HDAC9: variants seen among roughly 807,000 people sequenced by gnomAD.
HDAC9 encodes the protein histone deacetylase 9.
In HDAC9, 41 loss-of-function variants were observed where a neutral mutation model predicts 139.4. That is an observed-to-expected ratio of 0.29 (90% confidence interval 0.23 to 0.38). The LOEUF (loss-of-function observed/expected upper bound fraction) is 0.38, where lower values mean the gene tolerates loss of function less well. Among genes scored for constraint, HDAC9 ranks in the 10% least tolerant of loss-of-function variants. The probability of loss-of-function intolerance (pLI) is 1.00; values close to 1 mark genes in which losing one functional copy is unlikely to be tolerated. For missense variants in HDAC9, 1,147 were observed against 1,297.0 expected (o/e 0.88, Z 1.78); for synonymous variants, 517 against 476.2 (o/e 1.09, Z -1.12).
At chr7:18,570,138 A>C (rs950780065) in intron 2 of HDAC9, among the ~76,000 whole-genome samples, 1 of 152,142 alleles carries the variant, frequency 6.6e-6, no homozygotes, top group Non-Finnish European at 1.5e-5. Flanking sequence ...GAATCAGTAG[A>C]TTCACAGATT....
At chr7:18,194,018 A>G (rs1331008507) in intron 2 of HDAC9, among the ~76,000 whole-genome samples, 2 of 152,192 alleles carry the variant, frequency 1.3e-5, no homozygotes, top group African/African-American at 2.4e-5. Flanking sequence ...AAATGGCACG[A>G]TGAGCCTGAT....
chr7:18,644,601 G>T, intron 8 of HDAC9, 70 bp from the exon 9 acceptor site: 2 of 1,382,222 alleles, frequency 1.4e-6, no homozygotes, highest in South Asian at 1.5e-5. Context: ...CCCATTTTCT[G>T]AAATGAGAAC....
chr7:18,094,610 T>C (rs139651098), intron 1 of HDAC9, among the ~76,000 whole-genome samples: 18 of 152,132 alleles, frequency 1.2e-4, no homozygotes, highest in African/African-American at 4.3e-4. Context: ...TAAAAAAAAT[T>C]ATTTATTGTT....
intron 2 of HDAC9, among the ~76,000 whole-genome samples, chr7:18,209,551 T>C (rs945220610): frequency 5.9e-5 from 9 of 152,294 alleles, no homozygotes; most frequent in Non-Finnish European, 1.2e-4. Context: ...CCGGGCAAAA[T>C]TGTGGAATTG....
chr7:18,178,076 A>C (rs890035903), intron 2 of HDAC9, among the ~76,000 whole-genome samples: 473 of 24,226 alleles, frequency 0.02, no homozygotes, highest in Admixed American at 0.03. Flanking sequence ...TCCCTCCTCC[A>C]CCTCCCCTCC....
At chr7:18,859,485 C>G (rs1463710434) in intron 21 of HDAC9, among the ~76,000 whole-genome samples, 1 of 150,744 alleles carries the variant, frequency 6.6e-6, no homozygotes, top group Non-Finnish European at 1.5e-5. Context: ...CCTCAGGGAA[C>G]AAGTAAAATG....
chr7:18,312,973 A>C (rs1799412359), intron 1 of HDAC9, among the ~76,000 whole-genome samples: 1 of 152,102 alleles, frequency 6.6e-6, no homozygotes, highest in Non-Finnish European at 1.5e-5. Context: ...ATAGCCCTTA[A>C]AAACTTTTCA....
intron 1 of HDAC9, among the ~76,000 whole-genome samples, chr7:18,351,953 G>A (rs1562906241): frequency 6.6e-6 from 1 of 152,096 alleles, no homozygotes; most frequent in Non-Finnish European, 1.5e-5. Context: ...ATCCACTATT[G>A]GAAGGTGTGT....
intron 1 of HDAC9, among the ~76,000 whole-genome samples, chr7:18,422,125 C>A (rs1020223759): frequency 1.3e-5 from 2 of 152,156 alleles, no homozygotes; most frequent in South Asian, 4.1e-4. Context: ...GAAGTTAATG[C>A]CTTGGTTCTA....
intron 1 of HDAC9, among the ~76,000 whole-genome samples, chr7:18,125,889 C>T (rs1562646914): frequency 6.6e-6 from 1 of 152,172 alleles, no homozygotes. Flanking sequence ...TGTGAAAACA[C>T]TCTTACTTTG....
chr7:18,364,386 A>G (rs1400709572), intron 1 of HDAC9, among the ~76,000 whole-genome samples: 3 of 152,148 alleles, frequency 2.0e-5, no homozygotes, highest in Admixed American at 6.6e-5. Flanking sequence ...TATTACTTGT[A>G]TTAACATTAG....
intron 21 of HDAC9, among the ~76,000 whole-genome samples, chr7:18,850,516 TTA>T (rs1491561966): frequency 6.6e-6 from 1 of 152,212 alleles, no homozygotes; most frequent in East Asian, 1.9e-4. Flanking sequence ...GAAGTATTTT[TTA>T]TCTCAAAGCT....
At chr7:18,977,617 G>T (rs1394167273) in intron 25 of HDAC9, among the ~76,000 whole-genome samples, 1 of 152,114 alleles carries the variant, frequency 6.6e-6, no homozygotes, top group Non-Finnish European at 1.5e-5. Context: ...CTTGGCTTCA[G>T]TCCACAGTGA....
At chr7:18,303,353 C>G (rs1474698760) in intron 1 of HDAC9, among the ~76,000 whole-genome samples, 2 of 150,566 alleles carry the variant, frequency 1.3e-5, no homozygotes, top group Non-Finnish European at 3.0e-5. Context: ...ACTACAGGCA[C>G]CCACCGCCAC....
At chr7:18,568,026 G>GTGTATATATATATATATA (rs1384273199) in intron 2 of HDAC9, among the ~76,000 whole-genome samples, 4,391 of 126,506 alleles carry the variant, frequency 0.035, 193 homozygotes, top group Admixed American at 0.062. Flanking sequence ...ATATGTATAT[G>GTGTATATATATATATATA]TATATATATA....
intron 1 of HDAC9, among the ~76,000 whole-genome samples, chr7:18,420,929 C>G (rs1329803716): frequency 1.3e-5 from 2 of 152,200 alleles, no homozygotes; most frequent in Non-Finnish European, 2.9e-5. Flanking sequence ...ATGCAAAGAT[C>G]TGCTGGAAGA....
Position 18,162,244 on chromosome 7 carries a change from A to G in HDAC9, c.-81A>G, listed in dbSNP as rs183802912. 2,761 of 1,294,308 alleles carry G rather than the reference A, an allele frequency of 2.1e-3. 14 individuals are homozygous for G. Among genetic ancestry groups the G allele is most frequent in the Admixed American group, 4.0e-3 (198 of 49,790 alleles). The allele number at this position is 1,294,308 out of a possible 1,614,324, so 80.2% of individuals were successfully genotyped here. Reference sequence around the variant, plus strand: ...TATGTTCTAGGTTTCTCCTCTGCCAACCCCTCCTGGACCATTGTCAGCAGT... The same window carrying G: ...TATGTTCTAGGTTTCTCCTCTGCCAGCCCCTCCTGGACCATTGTCAGCAGT... On this transcript the variant is annotated 5_prime_UTR_variant, in exon 2 of 13. Coordinates refer to the HDAC9 transcript ENST00000417496.
intron 1 of HDAC9, among the ~76,000 whole-genome samples, chr7:18,145,924 A>G (rs1171739775): frequency 1.3e-5 from 2 of 152,164 alleles, no homozygotes; most frequent in Non-Finnish European, 2.9e-5. Flanking sequence ...TTAGGGCAGA[A>G]CAGAAAGACC....
At chr7:18,476,934 T>C (rs1387083865) in intron 1 of HDAC9, among the ~76,000 whole-genome samples, 1 of 152,196 alleles carries the variant, frequency 6.6e-6, no homozygotes, top group African/African-American at 2.4e-5. Context: ...TCATGTTCCA[T>C]GCCAAATAGG....
Sources: gnomAD v4.1 joint callset for allele counts (sites outside exome capture counted in the v4.1 genomes callset) on GRCh38, gnomAD v4.1.1 for gene constraint, MANE v1.5 for transcripts, NCBI Gene and HGNC (gene_info 2026-07-23, HGNC 2026-07-21) for gene names.